Variants in MGRN1 observed in about 807,000 individuals in gnomAD.
MGRN1 encodes mahogunin ring finger 1, also known as E3 ubiquitin-protein ligase MGRN1.
MGRN1 carries 29 observed loss-of-function variants against 69.2 expected under a neutral mutation model. That is an observed-to-expected ratio of 0.42 (90% CI 0.31 to 0.57). The LOEUF is 0.57. Among genes scored for constraint, MGRN1 ranks in the 20% least tolerant of loss-of-function variants. The pLI is 0.15. For synonymous variants in MGRN1, 470 were observed against 344.2 expected, an observed-to-expected ratio of 1.37 and a Z score of -4.04; for missense variants, 998 against 796.2, an observed-to-expected ratio of 1.25 and a Z score of -3.05.
At chr16:4,630,987 T>C (rs944920572) in intron 1 of MGRN1, among the ~76,000 whole-genome samples, 1 of 151,736 alleles carries the variant, frequency 6.6e-6, no homozygotes, top group African/African-American at 2.4e-5. Context: ...CCCAGCAAAG[T>C]TTTTGTATTT....
intron 16 of MGRN1, chr16:4,686,323 C>T (rs774650256): frequency 5.6e-5 from 86 of 1,542,094 alleles, no homozygotes; most frequent in South Asian, 9.5e-5. Flanking sequence ...CTCCCAGACG[C>T]GCTTCGGGGG....
intron 4 of MGRN1, among the ~76,000 whole-genome samples, chr16:4,654,549 C>T (rs2078486904): frequency 6.6e-6 from 1 of 152,224 alleles, no homozygotes. Context: ...TGCACTGGAG[C>T]ACACCGCTCA....
chr16:4,681,840 C>CT (rs2079189216), intron 13 of MGRN1, 64 bp downstream of exon 13: 1 of 1,477,670 alleles, frequency 6.8e-7, no homozygotes, highest in Non-Finnish European at 9.1e-7. Context: ...GAGCGGGTGT[C>CT]TTTGTGGTTT....
intron 13 of MGRN1, among the ~76,000 whole-genome samples, chr16:4,682,173 G>A (rs1218075799): frequency 6.6e-6 from 1 of 152,192 alleles, no homozygotes; most frequent in East Asian, 1.9e-4. Flanking sequence ...CAGGGCAGCC[G>A]AAACTCAGGA....
chr16:4,628,604 G>T (rs899150630), intron 1 of MGRN1, among the ~76,000 whole-genome samples: 1 of 152,054 alleles, frequency 6.6e-6, no homozygotes, highest in African/African-American at 2.4e-5. Context: ...CAATGCAGTG[G>T]CATGATCTCG....
In MGRN1 at chr16:4,681,401, G is replaced by A. The variant is rs927809215; in HGVS notation, c.1132-149G>A. The A allele has an allele frequency of 2.1e-5, 14 of 671,490 alleles. 1 individual carries two copies. Among genetic ancestry groups the A allele is most frequent in the Middle Eastern group, 2.7e-4 (1 of 3,764 alleles). The allele number at this position is 671,490 out of a possible 1,614,324, so 41.6% of individuals were successfully genotyped here. On this transcript the variant is annotated intron_variant, in intron 12 of 16. Transcript: ENST00000262370. Reference sequence around the variant, plus strand: ...TGATGGCTGAGGCAGGGAGGGCATCGGTGCTGCCAGGGAGCTCTTGGCCAC... The same window carrying A: ...TGATGGCTGAGGCAGGGAGGGCATCAGTGCTGCCAGGGAGCTCTTGGCCAC...
intron 1 of MGRN1, among the ~76,000 whole-genome samples, chr16:4,640,850 G>A (rs78900540): frequency 0.011 from 1,725 of 152,348 alleles, 32 homozygotes; most frequent in African/African-American, 0.039. Context: ...GAAACAAGTG[G>A]GCTCTGGAGT....
intron 16 of MGRN1, chr16:4,686,347 C>T: frequency 2.6e-6 from 4 of 1,537,356 alleles, no homozygotes; most frequent in Non-Finnish European, 3.5e-6. Context: ...TGACGCGCGT[C>T]CTTGGAGAGA....
Position 4,683,825 on chromosome 16 carries a change from C to A in MGRN1, c.1529-18C>A. 1 of 1,610,594 alleles carries A rather than the reference C, an allele frequency of 6.2e-7. No individual in the cohort carries two copies. The stretch of plus-strand genomic sequence containing the variant: ...TGGCCCCTGCCTGTAGGTCCCTAAC[C>A]TCACCCTCTGCCTGCAGGGACCCGA... On this transcript the variant is annotated intron_variant, in intron 15 of 16. Transcript: ENST00000262370.
At chr16:4,683,663 C>T (rs775778186) in intron 15 of MGRN1, among the ~76,000 whole-genome samples, 180 bp from the exon 16 acceptor site, 6 of 152,234 alleles carry the variant, frequency 3.9e-5, no homozygotes, top group African/African-American at 7.2e-5. Context: ...AAGGGAAACA[C>T]CCAGCTTTGG....
At chr16:4,685,535 C>T (rs1229664183) in intron 16 of MGRN1, among the ~76,000 whole-genome samples, 1 of 152,256 alleles carries the variant, frequency 6.6e-6, no homozygotes, top group Non-Finnish European at 1.5e-5. Flanking sequence ...GCCCTGGGCC[C>T]CGCTCTTGGA....
At chr16:4,683,726 T>C in intron 15 of MGRN1, 117 bp from the exon 16 acceptor site, 1 of 812,348 alleles carries the variant, frequency 1.2e-6, no homozygotes, top group Non-Finnish European at 1.9e-6. Flanking sequence ...AGCACAAGCC[T>C]GGGGTCCCCA....
intron 1 of MGRN1, among the ~76,000 whole-genome samples, chr16:4,645,148 G>C (rs979834949): frequency 3.3e-5 from 5 of 149,944 alleles, no homozygotes; most frequent in African/African-American, 1.0e-4. Flanking sequence ...GAGTTGGCGG[G>C]GGTGGGGGTG....
At chr16:4,631,433 G>A (rs1001217266) in intron 1 of MGRN1, among the ~76,000 whole-genome samples, 1 of 152,174 alleles carries the variant, frequency 6.6e-6, no homozygotes, top group African/African-American at 2.4e-5. Context: ...TTCTCAACTG[G>A]GGCATTTTTG....
At chr16:4,665,964 G>A (rs895865068) in intron 7 of MGRN1, among the ~76,000 whole-genome samples, 3 of 151,890 alleles carry the variant, frequency 2.0e-5, no homozygotes, top group Admixed American at 6.6e-5. Flanking sequence ...CAAGCAGCTG[G>A]TACTACAGAT....
intron 4 of MGRN1, among the ~76,000 whole-genome samples, chr16:4,654,310 A>G (rs928620952): frequency 6.6e-6 from 1 of 152,250 alleles, no homozygotes; most frequent in African/African-American, 2.4e-5. Flanking sequence ...CAAGGGTTTT[A>G]GAGGACTCTG....
intron 5 of MGRN1, among the ~76,000 whole-genome samples, chr16:4,660,961 C>A (rs893113094): frequency 6.6e-6 from 1 of 152,150 alleles, no homozygotes; most frequent in Non-Finnish European, 1.5e-5. Context: ...GAACATGTGC[C>A]CCACGTCCCT....
At chr16:4,657,815 G>A (rs903250771) in intron 5 of MGRN1, among the ~76,000 whole-genome samples, 1 of 138,120 alleles carries the variant, frequency 7.2e-6, no homozygotes, top group African/African-American at 2.8e-5. Context: ...GCGCGATCTC[G>A]GATCACTACA....
rs76098281 is a variant in MGRN1, at chr16:4,640,991, C to T, written c.89-9374C>T. 9.8e-3 allele frequency among the ~76,000 whole-genome samples: 1,492 copies of T among 152,320 alleles called. 21 individuals carry two copies. The highest frequency in any genetic ancestry group is 0.025 in the African/African-American group (1,053 of 41,558). ...GGGCCAGCGGGAAAGGGGGTGAAGG[C>T]GCTGACCTCAGCAGGTGTGGAGGGA... On this transcript the variant is annotated intron_variant, in intron 1 of 16. Transcript: ENST00000262370.
Sources: allele counts gnomAD v4.1 joint callset (sites outside exome capture counted in the v4.1 genomes callset), GRCh38; gene constraint gnomAD v4.1.1; transcripts MANE v1.5; gene names NCBI Gene and HGNC (gene_info 2026-07-23, HGNC 2026-07-21).